The following RBPJ variants were observed in gnomAD, a reference collection of about 807,000 sequenced individuals.
RBPJ encodes the protein recombination signal binding protein for immunoglobulin kappa J region.
In RBPJ, 9 loss-of-function variants were observed where a neutral mutation model predicts 67.8. That is an observed-to-expected ratio of 0.13 (90% CI 0.08 to 0.23). RBPJ has a LOEUF of 0.23. Ranked by LOEUF, RBPJ falls within the 10% of genes least tolerant of loss-of-function variation. The pLI is 1.00. For synonymous variants in RBPJ, 198 were observed against 203.3 expected (o/e 0.97, Z 0.22); for missense variants, 305 against 595.6 (o/e 0.51, Z 5.08).
intron 1 of RBPJ, among the ~76,000 whole-genome samples, chr4:26,327,057 A>G (rs956719089): frequency 1.3e-5 from 2 of 152,108 alleles, no homozygotes; most frequent in African/African-American, 4.8e-5. Context: ...CAATGTAGGA[A>G]TGTTGAATGT....
chr4:26,130,617 G>A, the RBPJ span, among the ~76,000 whole-genome samples: 2 of 151,720 alleles, frequency 1.3e-5, no homozygotes, highest in African/African-American at 2.4e-5. Flanking sequence ...CCACATTCAC[G>A]ACTCCCATTA....
upstream of RBPJ, among the ~76,000 whole-genome samples, chr4:26,314,841 AC>A (rs1157318194): frequency 6.6e-6 from 1 of 152,038 alleles, no homozygotes; most frequent in Non-Finnish European, 1.5e-5. Context: ...TTTCACTCCC[AC>A]TAGCAGCTCA....
chr4:26,399,495 A>G (rs1213470170), intron 2 of RBPJ, among the ~76,000 whole-genome samples: 2 of 150,934 alleles, frequency 1.3e-5, no homozygotes, highest in East Asian at 3.9e-4. Context: ...GTTTCACTGT[A>G]GTATTCTCTT....
At chr4:26,250,102 C>A (rs1206097228) in intron 1 of RBPJ, among the ~76,000 whole-genome samples, 1 of 151,140 alleles carries the variant, frequency 6.6e-6, no homozygotes, top group Non-Finnish European at 1.5e-5. Flanking sequence ...ACTTTTTCAT[C>A]ATTCCAAATA....
chr4:26,148,871 T>G, the RBPJ span, among the ~76,000 whole-genome samples: 1 of 152,198 alleles, frequency 6.6e-6, no homozygotes, highest in East Asian at 1.9e-4. Flanking sequence ...GCTCTGAAAC[T>G]GAGCAATAAA....
intron 1 of RBPJ, among the ~76,000 whole-genome samples, chr4:26,228,894 T>C (rs897132699): frequency 1.3e-5 from 2 of 152,246 alleles, no homozygotes; most frequent in Non-Finnish European, 2.9e-5. Context: ...GTACGACATC[T>C]GAATGGCTCC....
intron 2 of RBPJ, among the ~76,000 whole-genome samples, chr4:26,389,887 C>T (rs1341750354): frequency 6.6e-6 from 1 of 152,072 alleles, no homozygotes; most frequent in Non-Finnish European, 1.5e-5. Flanking sequence ...TATCTCAATT[C>T]CATACATACT....
At position 26,363,538 on chromosome 4, in the gene RBPJ, A is replaced by G. The variant is rs137868717; in HGVS notation, c.21-22815A>G. Among the ~76,000 whole-genome samples, 1,017 of 152,298 alleles carry G rather than the reference A, an allele frequency of 6.7e-3. 14 individuals are homozygous for G. Among genetic ancestry groups the G allele is most frequent in the African/African-American group, 0.023 (952 of 41,574 alleles). ...ACTGCAGCCTCTGCCTCCTGGGTTC[A>G]AGCAATTCTCCTGTCTCAGCCTTCC... On this transcript the variant is annotated intron_variant, in intron 1 of 10. Transcript: ENST00000355476.
intron 1 of RBPJ, among the ~76,000 whole-genome samples, chr4:26,298,701 G>A (rs1399951973): frequency 6.6e-6 from 1 of 152,170 alleles, no homozygotes; most frequent in Non-Finnish European, 1.5e-5. Flanking sequence ...CTGTTCTTTA[G>A]CACATTAGTT....
At chr4:26,223,652 G>A (rs1718987885) in intron 1 of RBPJ, among the ~76,000 whole-genome samples, 1 of 152,206 alleles carries the variant, frequency 6.6e-6, no homozygotes, top group Non-Finnish European at 1.5e-5. Context: ...AGGGCTTTGT[G>A]CTCTCAGCTG....
chr4:26,188,043 A>G (rs910688018), intron 1 of RBPJ, among the ~76,000 whole-genome samples: 3 of 152,088 alleles, frequency 2.0e-5, no homozygotes, highest in African/African-American at 7.2e-5. Flanking sequence ...TAAAATAAAA[A>G]TAAAAATACA....
Position 26,303,212 on chromosome 4 carries a change from A to C in RBPJ, c.-166-59234A>C, listed in dbSNP as rs964231145. 1.5e-3 allele frequency among the ~76,000 whole-genome samples: 225 copies of C among 147,294 alleles called. 2 individuals carry two copies. Among genetic ancestry groups the C allele is most frequent in the Admixed American group, 3.1e-3 (45 of 14,686 alleles). ...AATAAATAAATAAATAAATAAATAAATAAATAATAAATGAATAAATATATA... is the reference window on the plus strand; with the variant it reads ...AATAAATAAATAAATAAATAAATAACTAAATAATAAATGAATAAATATATA... On this transcript the variant is annotated intron_variant, in intron 1 of 4. Coordinates refer to the RBPJ transcript ENST00000512351.
At chr4:26,197,645 A>T (rs568316727) in intron 1 of RBPJ, among the ~76,000 whole-genome samples, 2 of 152,286 alleles carry the variant, frequency 1.3e-5, no homozygotes, top group East Asian at 3.9e-4. Context: ...TTTCCCCTAA[A>T]GCGGCAAGAG....
intron 1 of RBPJ, among the ~76,000 whole-genome samples, chr4:26,304,898 C>T (rs1248986228): frequency 6.6e-6 from 1 of 151,232 alleles, no homozygotes; most frequent in African/African-American, 2.4e-5. Flanking sequence ...GTTTTTGTGT[C>T]ATATCTAAGA....
chr4:26,351,908 T>A, intron 1 of RBPJ, among the ~76,000 whole-genome samples: 1 of 152,234 alleles, frequency 6.6e-6, no homozygotes, highest in Non-Finnish European at 1.5e-5. Context: ...AACTTCTAGA[T>A]GTTCTATTAA....
chr4:26,305,761 A>ATTTTTTT (rs1722212048), intron 1 of RBPJ, among the ~76,000 whole-genome samples: 1 of 74,750 alleles, frequency 1.3e-5, no homozygotes. Flanking sequence ...AGTTCTTAGA[A>ATTTTTTT]TTTTCTTTTC....
chr4:26,408,705 A>G (rs993366385), intron 3 of RBPJ, among the ~76,000 whole-genome samples: 10 of 152,244 alleles, frequency 6.6e-5, no homozygotes, highest in African/African-American at 2.4e-4. Flanking sequence ...TCTGTGGGCA[A>G]CGAATCTGAA....
At chr4:26,143,271 G>A in the RBPJ span, among the ~76,000 whole-genome samples, 1 of 152,136 alleles carries the variant, frequency 6.6e-6, no homozygotes, top group Non-Finnish European at 1.5e-5. Context: ...CAGTCCCCCT[G>A]TGCCATACAC....
chr4:26,205,013 G>T (rs1479961263), intron 1 of RBPJ, among the ~76,000 whole-genome samples: 1 of 152,152 alleles, frequency 6.6e-6, no homozygotes, highest in South Asian at 2.1e-4. Context: ...TGGCCTCGGC[G>T]CCAGGGGCCA....
Sources: allele counts gnomAD v4.1 joint callset (sites outside exome capture counted in the v4.1 genomes callset), GRCh38; gene constraint gnomAD v4.1.1; transcripts MANE v1.5; gene names NCBI Gene and HGNC (gene_info 2026-07-23, HGNC 2026-07-21).